GPC5: variants seen among roughly 807,000 people sequenced by gnomAD.
GPC5 encodes glypican 5, also known as glypican-5.
A neutral mutation model predicts 53.9 loss-of-function variants in GPC5; 47 were observed. The ratio of observed to expected loss-of-function variants is 0.87; its 90% CI spans 0.69 to 1.11. The LOEUF is 1.11. GPC5 is among the 50% of genes most tolerant of loss of function. The probability of loss-of-function intolerance (pLI) is 0.00; values close to 1 mark genes in which losing one functional copy is unlikely to be tolerated. For missense variants in GPC5, 748 were observed against 713.1 expected, an observed-to-expected ratio of 1.05 and a Z score of -0.56; for synonymous variants, 286 against 263.3, an observed-to-expected ratio of 1.09 and a Z score of -0.84.
At chr13:92,577,169 C>A (rs1394685522) in intron 7 of GPC5, among the ~76,000 whole-genome samples, 1 of 152,094 alleles carries the variant, frequency 6.6e-6, no homozygotes, top group South Asian at 2.1e-4. Context: ...TCCTATCTGC[C>A]ATGCTTCTCT....
chr13:91,687,627 G>T (rs1445696434), intron 2 of GPC5, among the ~76,000 whole-genome samples: 1 of 151,718 alleles, frequency 6.6e-6, no homozygotes, highest in African/African-American at 2.4e-5. Flanking sequence ...CCTTTAATTC[G>T]ATCTACCACT....
intron 7 of GPC5, among the ~76,000 whole-genome samples, chr13:92,703,516 A>T (rs1228574255): frequency 4.0e-5 from 6 of 151,202 alleles, no homozygotes; most frequent in Non-Finnish European, 8.9e-5. Context: ...TGAATCTGTA[A>T]ACCATTTATT....
chr13:92,745,400 C>T (rs2139317481), intron 7 of GPC5, among the ~76,000 whole-genome samples: 1 of 152,140 alleles, frequency 6.6e-6, no homozygotes, highest in Non-Finnish European at 1.5e-5. Flanking sequence ...TTTTGAATTC[C>T]ATTCCTATGG....
chr13:92,383,384 C>A (rs1013323574), intron 7 of GPC5, among the ~76,000 whole-genome samples: 1 of 152,076 alleles, frequency 6.6e-6, no homozygotes, highest in African/African-American at 2.4e-5. Flanking sequence ...GGAAAGAGGA[C>A]CTCTAATACA....
intron 6 of GPC5, among the ~76,000 whole-genome samples, chr13:92,062,035 T>A (rs6492574): frequency 0.56 from 84,757 of 151,526 alleles, 24,138 homozygotes; most frequent in East Asian, 0.79. Context: ...GCTTGTTTTC[T>A]TGTTAAGAAA....
At chr13:92,050,092 A>G (rs531303321) in intron 6 of GPC5, among the ~76,000 whole-genome samples, 1 of 152,278 alleles carries the variant, frequency 6.6e-6, no homozygotes, top group Admixed American at 6.5e-5. Flanking sequence ...AGGATACCCA[A>G]TGAAGACATG....
chr13:92,103,168 G>GT lies in GPC5; in HGVS notation c.1402-41654dup, dbSNP rs1490273517. On this transcript the variant is annotated intron_variant, in intron 6 of 7. Transcript: ENST00000377067. ...TGAGCCACCACATCCTGCTTGTGAA[G>GT]TTTTTTTTAATGATCAACCTGGGGG... 3.3e-5 allele frequency among the ~76,000 whole-genome samples: 5 copies of GT among 151,928 alleles called. No individual in the cohort carries two copies. The East Asian group carries it at 9.7e-4, about 29-fold the overall frequency.
At chr13:92,348,717 C>A (rs779893689) in intron 7 of GPC5, among the ~76,000 whole-genome samples, 10 of 152,174 alleles carry the variant, frequency 6.6e-5, no homozygotes, top group South Asian at 2.1e-4. Context: ...GAAATTATAG[C>A]AAGAATCTTC....
At chr13:92,571,766 C>T (rs1883030250) in intron 7 of GPC5, among the ~76,000 whole-genome samples, 1 of 152,092 alleles carries the variant, frequency 6.6e-6, no homozygotes. Flanking sequence ...TTTAATATTA[C>T]AAAAATGTGA....
chr13:91,405,239 A>G (rs1397276026), intron 1 of GPC5, among the ~76,000 whole-genome samples: 1 of 152,134 alleles, frequency 6.6e-6, no homozygotes, highest in Non-Finnish European at 1.5e-5. Flanking sequence ...GGGATTGGCA[A>G]TTCTTTGTTG....
intron 7 of GPC5, among the ~76,000 whole-genome samples, chr13:92,163,617 T>C (rs1028777346): frequency 1.3e-5 from 2 of 152,186 alleles, no homozygotes; most frequent in East Asian, 1.9e-4. Flanking sequence ...AGCATCTCTT[T>C]GTTATTGAAG....
At chr13:92,064,821 A>G (rs1310705400) in intron 6 of GPC5, among the ~76,000 whole-genome samples, 6 of 151,916 alleles carry the variant, frequency 3.9e-5, no homozygotes, top group Non-Finnish European at 7.4e-5. Context: ...AAAATAAATG[A>G]TGCATACTAC....
intron 6 of GPC5, among the ~76,000 whole-genome samples, chr13:92,128,796 C>T (rs1300307157): frequency 6.6e-6 from 1 of 152,088 alleles, no homozygotes; most frequent in Non-Finnish European, 1.5e-5. Context: ...AACCCCATCT[C>T]TACTAAAAAT....
intron 6 of GPC5, among the ~76,000 whole-genome samples, chr13:91,955,959 C>A (rs2040069009): frequency 1.3e-5 from 2 of 152,188 alleles, no homozygotes; most frequent in Admixed American, 1.3e-4. Flanking sequence ...CTGCAGCTGC[C>A]ACCTATGGCT....
At chr13:92,268,357 C>CT (rs1358626180) in intron 7 of GPC5, among the ~76,000 whole-genome samples, 34 of 133,940 alleles carry the variant, frequency 2.5e-4, no homozygotes, top group Admixed American at 1.0e-3. Flanking sequence ...TCTTTCTATA[C>CT]TTTTTTTTTC....
chr13:91,635,849 G>C (rs2034272328), intron 2 of GPC5, among the ~76,000 whole-genome samples: 1 of 152,068 alleles, frequency 6.6e-6, no homozygotes. Context: ...TGAATTTATA[G>C]ATTTCATTTA....
chr13:92,062,016 T>C (rs2041128031), intron 6 of GPC5, among the ~76,000 whole-genome samples: 1 of 151,986 alleles, frequency 6.6e-6, no homozygotes, highest in Admixed American at 6.6e-5. Flanking sequence ...ATGACATCCA[T>C]TAAACAATGC....
chr13:92,477,039 T>A (rs1178186008), intron 7 of GPC5, among the ~76,000 whole-genome samples: 402 of 131,994 alleles, frequency 3.0e-3, no homozygotes, highest in Non-Finnish European at 4.2e-3. Context: ...AAACTTAAAG[T>A]ATAATAATAA....
intron 7 of GPC5, among the ~76,000 whole-genome samples, chr13:92,229,979 A>G (rs1043646010): frequency 2.0e-4 from 30 of 152,132 alleles, no homozygotes; most frequent in African/African-American, 6.0e-4. Context: ...TTAGCTTTTG[A>G]TATGCTAATA....
Sources: allele counts gnomAD v4.1 joint callset (sites outside exome capture counted in the v4.1 genomes callset), GRCh38; gene constraint gnomAD v4.1.1; transcripts MANE v1.5; gene names NCBI Gene and HGNC (gene_info 2026-07-23, HGNC 2026-07-21).